Variants in PIGK observed in about 807,000 individuals in gnomAD.
PIGK encodes GPI-anchor transamidase.
Under a neutral mutation model 50.6 loss-of-function variants are expected in PIGK, and 42 were observed. The observed-to-expected ratio is 0.83, with a 90% CI of 0.65 to 1.07. The LOEUF is 1.07. Among genes scored for constraint, PIGK ranks in the 50% least tolerant of loss-of-function variants. PIGK has a pLI of 0.00. For missense variants in PIGK, 448 were observed against 488.7 expected (o/e 0.92, Z 0.78); for synonymous variants, 151 against 156.0 (o/e 0.97, Z 0.24).
intron 9 of PIGK, among the ~76,000 whole-genome samples, chr1:77,144,630 T>C (rs149275402): frequency 5.9e-5 from 9 of 152,034 alleles, no homozygotes; most frequent in South Asian, 4.1e-4. Flanking sequence ...ACTGATTTCT[T>C]AGAAGTCATA....
Position 77,092,438 on chromosome 1 carries a change from C to T in PIGK, c.1124G>A (p.Trp375Ter). The T allele has an allele frequency of 1.2e-6, 2 of 1,606,830 alleles. No homozygotes were observed. The highest frequency in any genetic ancestry group is 1.1e-5 in the South Asian group (1 of 89,550). ...GAAGAAAACCATGATAATAAGTGCC[C>T]ATAATCCCAGAATAAAGCCCCCAGG... is the stretch of plus-strand genomic sequence containing the variant. ...HPPGGFILGL[W>*]ALIIMVFFKT... The change falls in exon 11 of 11, where the codon TGG becomes TAG. Residue 375 changes from tryptophan (W) to a stop codon, truncating the protein, a stop_gained. Transcript: ENST00000370812. LOFTEE classifies it high-confidence loss of function.
At chr1:77,177,271 C>T (rs1473415798) in intron 3 of PIGK, among the ~76,000 whole-genome samples, 1 of 152,230 alleles carries the variant, frequency 6.6e-6, no homozygotes, top group African/African-American at 2.4e-5. Flanking sequence ...GGCACCAAAA[C>T]TGGCCATAAA....
chr1:77,111,281 C>G (rs1323256028), intron 10 of PIGK, among the ~76,000 whole-genome samples: 1 of 152,164 alleles, frequency 6.6e-6, no homozygotes, highest in Non-Finnish European at 1.5e-5. Context: ...GATTATAAAT[C>G]ATGCTGCTAT....
Position 77,210,509 on chromosome 1 carries a change from TAGA to T in PIGK, c.94-23_94-21del. On this transcript the variant is annotated intron_variant, in intron 1 of 10. Coordinates refer to ENST00000370812, the MANE Select transcript of PIGK (RefSeq NM_005482.3). ...TTGATCCTAAATAAAGCAAAACAAA[TAGA>T]AGAAAAAGGCACAATTTCTCAGAAT... is the stretch of plus-strand genomic sequence containing the variant. 1 of 1,551,934 alleles carries T rather than the reference TAGA, an allele frequency of 6.4e-7. No individual in the cohort carries two copies. Among genetic ancestry groups the T allele is most frequent in the Non-Finnish European group, 8.8e-7 (1 of 1,139,696 alleles).
chr1:77,178,426 A>C (rs967151091), intron 3 of PIGK, among the ~76,000 whole-genome samples: 8 of 152,250 alleles, frequency 5.3e-5, no homozygotes, highest in African/African-American at 1.9e-4. Flanking sequence ...GTATAGTTAC[A>C]CAACAGACTT....
At chr1:77,092,676 T>C (rs1443753716) in intron 10 of PIGK, among the ~76,000 whole-genome samples, 186 bp from the exon 11 acceptor site, 4 of 152,112 alleles carry the variant, frequency 2.6e-5, no homozygotes, top group African/African-American at 9.6e-5. Context: ...TCCTACAGGG[T>C]AAACTGGCTC....
At position 77,089,741 on chromosome 1, in the gene PIGK, T is replaced by C. The variant is rs1468695369; in HGVS notation, c.*2633A>G. 1 of 152,690 alleles carries C rather than the reference T, an allele frequency of 6.5e-6. No individual in the cohort carries two copies. The highest frequency in any genetic ancestry group is 6.5e-5 in the Admixed American group (1 of 15,290). The allele number at this position is 152,690 out of a possible 1,614,324, so 9.5% of individuals were successfully genotyped here. ...TCTAATATTTCTTGATCCAATTTAA[T>C]CAGCTTTGTATCCAAACTACATTTT... On this transcript the variant is annotated 3_prime_UTR_variant, in exon 11 of 11. Coordinates refer to ENST00000370812, the MANE Select transcript of PIGK (RefSeq NM_005482.3).
intron 1 of PIGK, among the ~76,000 whole-genome samples, chr1:77,211,769 A>G (rs74092458): frequency 0.014 from 2,123 of 151,608 alleles, 53 homozygotes; most frequent in African/African-American, 0.049. Context: ...CAAATGTGCT[A>G]CAACACCCAT....
intron 7 of PIGK, 80 bp from the exon 8 acceptor site, chr1:77,161,485 A>G: frequency 2.0e-6 from 2 of 984,256 alleles, no homozygotes; most frequent in Non-Finnish European, 3.3e-6. Flanking sequence ...ATTTCCTTCT[A>G]ATGTATTAGT....
intron 1 of PIGK, among the ~76,000 whole-genome samples, chr1:77,216,131 G>A (rs1656559203): frequency 6.6e-6 from 1 of 152,058 alleles, no homozygotes; most frequent in Non-Finnish European, 1.5e-5. Context: ...AAAGTTTTGA[G>A]GTGACAGATA....
At chr1:77,188,519 G>A (rs1400737817) in intron 3 of PIGK, among the ~76,000 whole-genome samples, 1 of 152,136 alleles carries the variant, frequency 6.6e-6, no homozygotes, top group Non-Finnish European at 1.5e-5. Flanking sequence ...AACTTCATTA[G>A]CAATTTTAAT....
chr1:77,161,913 T>C (rs74685719), intron 6 of PIGK, among the ~76,000 whole-genome samples: 1,718 of 152,304 alleles, frequency 0.011, 12 homozygotes, highest in Non-Finnish European at 0.016. Flanking sequence ...GCGAGTCTTA[T>C]TGTGCCCAAG....
chr1:77,179,649 G>C (rs915419001), intron 3 of PIGK, among the ~76,000 whole-genome samples: 3 of 152,000 alleles, frequency 2.0e-5, no homozygotes, highest in Non-Finnish European at 4.4e-5. Flanking sequence ...GAGTCTCTCA[G>C]AATCTACTGT....
At chr1:77,154,754 A>T in intron 8 of PIGK, 133 bp from the exon 9 acceptor site, 1 of 627,554 alleles carries the variant, frequency 1.6e-6, no homozygotes, top group Non-Finnish European at 2.7e-6. Flanking sequence ...TGTTCTAAAG[A>T]CCTTAAAGAT....
At chr1:77,179,680 T>G (rs896917065) in intron 3 of PIGK, among the ~76,000 whole-genome samples, 1 of 152,338 alleles carries the variant, frequency 6.6e-6, no homozygotes, top group South Asian at 2.1e-4. Flanking sequence ...GCTGCCTGAT[T>G]CATGAATCGC....
At chr1:77,178,991 C>T (rs1054342659) in intron 3 of PIGK, among the ~76,000 whole-genome samples, 11 of 152,166 alleles carry the variant, frequency 7.2e-5, no homozygotes, top group African/African-American at 2.7e-4. Flanking sequence ...TTATGGGTGG[C>T]CACTGTTTTG....
intron 1 of PIGK, among the ~76,000 whole-genome samples, chr1:77,215,330 A>G (rs535767636): frequency 1.3e-5 from 2 of 152,316 alleles, no homozygotes; most frequent in East Asian, 3.9e-4. Flanking sequence ...AATGCTCAAT[A>G]TCACTAATCA....
At chr1:77,184,700 T>A (rs986087180) in intron 3 of PIGK, among the ~76,000 whole-genome samples, 3 of 152,198 alleles carry the variant, frequency 2.0e-5, no homozygotes, top group African/African-American at 7.2e-5. Flanking sequence ...AGACTCATCT[T>A]GTGGTCATTT....
intron 9 of PIGK, among the ~76,000 whole-genome samples, chr1:77,150,324 C>A (rs764500461): frequency 6.6e-6 from 1 of 151,592 alleles, no homozygotes; most frequent in Non-Finnish European, 1.5e-5. Flanking sequence ...TCAAGACCAG[C>A]CTAGGCAACA....
Sources: allele counts gnomAD v4.1 joint callset (sites outside exome capture counted in the v4.1 genomes callset), GRCh38; gene constraint gnomAD v4.1.1; transcripts MANE v1.5; gene names NCBI Gene and HGNC (gene_info 2026-07-23, HGNC 2026-07-21).